The following CKAP5 variants were observed in gnomAD, a reference collection of about 807,000 sequenced individuals.
The protein encoded by CKAP5 is cytoskeleton-associated protein 5.
CKAP5 carries 27 observed loss-of-function variants against 232.8 expected under a neutral mutation model. The ratio of observed to expected loss-of-function variants is 0.12; its 90% CI spans 0.09 to 0.16. CKAP5 has a LOEUF of 0.16. Among genes scored for constraint, CKAP5 ranks in the 10% least tolerant of loss-of-function variants. The pLI is 1.00. For missense variants in CKAP5, 1,838 were observed against 2,424.7 expected, an observed-to-expected ratio of 0.76 and a Z score of 5.08; for synonymous variants, 785 against 841.1, an observed-to-expected ratio of 0.93 and a Z score of 1.16.
intron 9 of CKAP5, among the ~76,000 whole-genome samples, chr11:46,798,594 AAAG>A: frequency 6.6e-6 from 1 of 152,192 alleles, no homozygotes; most frequent in East Asian, 1.9e-4. Flanking sequence ...AAAAAAAAAA[AAAG>A]CAGTCACAAA....
intron 1 of CKAP5, among the ~76,000 whole-genome samples, chr11:46,841,459 G>T (rs142944489): frequency 1.3e-5 from 2 of 152,102 alleles, no homozygotes; most frequent in Non-Finnish European, 2.9e-5. Context: ...CAGAATTGGC[G>T]TCAGAATTGG....
Position 46,783,275 on chromosome 11 carries a change from C to G in CKAP5, c.2248G>C (p.Gly750Arg). The G allele has an allele frequency of 6.3e-7, 1 of 1,594,658 alleles. No homozygotes were observed. The highest frequency in any genetic ancestry group is 8.6e-7 in the Non-Finnish European group (1 of 1,164,278). The stretch of plus-strand genomic sequence containing the variant: ...CCACTTGATTTCGTTCTGACTTACC[C>G]AGAAAAACCAAATTCTTTTATGGCA... ...SNAIKEFGFS[G>R]LNVKAFISNV... is the part of the protein sequence containing the mutation. The change falls in exon 18 of 44, where the codon GGG becomes CGG. Residue 750 changes from glycine to arginine, a missense_variant and splice_region_variant. Physicochemically the swap from Gly to Arg is moderately radical, Grantham distance 125. Coordinates refer to ENST00000529230, the MANE Select transcript of CKAP5 (RefSeq NM_001008938.4).
intron 40 of CKAP5, among the ~76,000 whole-genome samples, 179 bp downstream of exon 40, chr11:46,750,939 T>A (rs1437846964): frequency 2.6e-5 from 4 of 152,160 alleles, no homozygotes; most frequent in Admixed American, 2.6e-4. Context: ...TATACTTAGT[T>A]TAGATTTTAA....
intron 38 of CKAP5, among the ~76,000 whole-genome samples, chr11:46,752,189 T>TACAC (rs1167247937): frequency 1.7e-4 from 11 of 64,346 alleles, no homozygotes; most frequent in South Asian, 5.4e-4. Context: ...TATATATATA[T>TACAC]ATATACACAC....
At chr11:46,830,968 G>A (rs1939778780) in intron 1 of CKAP5, among the ~76,000 whole-genome samples, 1 of 152,118 alleles carries the variant, frequency 6.6e-6, no homozygotes, top group African/African-American at 2.4e-5. Flanking sequence ...GGGAGGCTGA[G>A]GCAGGAGAAT....
chr11:46,773,257 T>TA (rs2065263228), intron 24 of CKAP5, among the ~76,000 whole-genome samples: 1 of 152,118 alleles, frequency 6.6e-6, no homozygotes, highest in Non-Finnish European at 1.5e-5. Flanking sequence ...GTTCTATTTT[T>TA]TTTTTTTTTG....
intron 1 of CKAP5, among the ~76,000 whole-genome samples, chr11:46,830,063 G>A (rs1407831434): frequency 3.3e-5 from 5 of 152,082 alleles, no homozygotes; most frequent in Non-Finnish European, 7.4e-5. Context: ...GGTGGGTAAA[G>A]GCAATCACAT....
intron 28 of CKAP5, 104 bp downstream of exon 28, chr11:46,765,027 C>T: frequency 9.4e-7 from 1 of 1,065,404 alleles, no homozygotes; most frequent in Non-Finnish European, 1.3e-6. Context: ...AAAAGAAACA[C>T]TTAATTCCTA....
intron 1 of CKAP5, among the ~76,000 whole-genome samples, 153 bp from the exon 2 acceptor site, chr11:46,821,421 C>CTTTT (rs369366613): frequency 0.015 from 1,526 of 105,146 alleles, 107 homozygotes; most frequent in East Asian, 0.061. Flanking sequence ...ATTAACAGGA[C>CTTTT]TTTTTTTTTT....
chr11:46,823,768 A>G (rs1939595649), intron 1 of CKAP5, among the ~76,000 whole-genome samples: 1 of 152,118 alleles, frequency 6.6e-6, no homozygotes, highest in African/African-American at 2.4e-5. Context: ...CTACAGGCAC[A>G]TGTCACCATG....
chr11:46,794,472 T>C (rs142391120), intron 13 of CKAP5, among the ~76,000 whole-genome samples: 1,539 of 150,178 alleles, frequency 0.01, 8 homozygotes, highest in Non-Finnish European at 0.016. Context: ...AATTCAAAAA[T>C]GGGCAAAGAA....
chr11:46,750,145 T>A (rs955453987), intron 42 of CKAP5, 129 bp downstream of exon 42: 8 of 831,614 alleles, frequency 9.6e-6, no homozygotes, highest in Non-Finnish European at 1.5e-5. Flanking sequence ...GATATAGCAA[T>A]GGGAAGGCCA....
At chr11:46,830,293 T>G (rs1476284152) in intron 1 of CKAP5, among the ~76,000 whole-genome samples, 2 of 151,372 alleles carry the variant, frequency 1.3e-5, no homozygotes, top group Non-Finnish European at 2.9e-5. Flanking sequence ...TACAAAAAAT[T>G]AGCCGGGCGT....
At chr11:46,813,539 T>C (rs1939322505) in intron 4 of CKAP5, among the ~76,000 whole-genome samples, 1 of 152,118 alleles carries the variant, frequency 6.6e-6, no homozygotes, top group Admixed American at 6.5e-5. Context: ...GTACCACAAA[T>C]GTTTCTGGTC....
At chr11:46,744,402 T>C in intron 43 of CKAP5, 24 bp downstream of exon 43, 1 of 1,614,144 alleles carries the variant, frequency 6.2e-7, no homozygotes, top group Non-Finnish European at 8.5e-7. Flanking sequence ...CTCCCTGAAC[T>C]GCACAGAAGA....
chr11:46,795,359 A>T (rs1938844488), intron 13 of CKAP5, among the ~76,000 whole-genome samples: 1 of 151,806 alleles, frequency 6.6e-6, no homozygotes, highest in African/African-American at 2.4e-5. Flanking sequence ...AGTAAATTTT[A>T]TGTTAAATTG....
chr11:46,827,689 C>T (rs1050124734), intron 1 of CKAP5, among the ~76,000 whole-genome samples: 1 of 152,046 alleles, frequency 6.6e-6, no homozygotes, highest in African/African-American at 2.4e-5. Flanking sequence ...AAAAATTGAC[C>T]TAAAAGTCAA....
rs1321141324 is a variant in CKAP5, at chr11:46,755,721, G to A, written c.4690-654C>T. ...AGGTAGGTGAGTCACTTGAGGTCAC[G>A]AGTAGGAGATCAGCCTGGCCAACAT... On this transcript the variant is annotated intron_variant, in intron 35 of 43. Coordinates refer to ENST00000529230, the MANE Select transcript of CKAP5 (RefSeq NM_001008938.4). Among the ~76,000 whole-genome samples, 5 of 151,678 alleles carry A rather than the reference G, an allele frequency of 3.3e-5. No individual in the cohort carries two copies. The South Asian group carries it at 8.3e-4, about 25-fold the overall frequency.
Position 46,762,104 on chromosome 11 carries a change from C to T in CKAP5, c.4117G>A (p.Val1373Ile). The T allele has an allele frequency of 6.2e-7, 1 of 1,614,164 alleles. No individual in the cohort carries two copies. Among genetic ancestry groups the T allele is most frequent in the South Asian group, 1.1e-5 (1 of 91,082 alleles). Residue 1373 changes from valine to isoleucine, a missense_variant, in exon 32 of 44, where the codon GTT becomes ATT. By Grantham distance (29) the Val-to-Ile change is conservative. Transcript: ENST00000529230. ...TPGKALKEIA[V>I]HIGDRDNAVR... ...GCATTGTCACGGTCTCCTATGTGAACAGCTATTTCCTTTAAGGCTTTTCCT... is the reference window on the plus strand; with the variant it reads ...GCATTGTCACGGTCTCCTATGTGAATAGCTATTTCCTTTAAGGCTTTTCCT...
Sources: allele counts gnomAD v4.1 joint callset (sites outside exome capture counted in the v4.1 genomes callset), GRCh38; gene constraint gnomAD v4.1.1; transcripts MANE v1.5; gene names NCBI Gene and HGNC (gene_info 2026-07-23, HGNC 2026-07-21).